GLRA3: variants seen among roughly 807,000 people sequenced by gnomAD.
The protein encoded by GLRA3 is glycine receptor subunit alpha-3.
In GLRA3, 44 loss-of-function variants were observed where a neutral mutation model predicts 60.4. The ratio of observed to expected loss-of-function variants is 0.73; its 90% CI spans 0.57 to 0.94. The LOEUF (loss-of-function observed/expected upper bound fraction) is 0.94. Among genes scored for constraint, GLRA3 ranks in the 40% least tolerant of loss-of-function variants. The probability of loss-of-function intolerance (pLI) is 0.00; values close to 1 mark genes in which losing one functional copy is unlikely to be tolerated. For synonymous variants in GLRA3, 223 were observed against 192.9 expected, an observed-to-expected ratio of 1.16 and a Z score of -1.29; for missense variants, 508 against 564.6, an observed-to-expected ratio of 0.90 and a Z score of 1.02.
At chr4:174,778,157 C>T (rs374727841) in intron 2 of GLRA3, among the ~76,000 whole-genome samples, 6 of 152,086 alleles carry the variant, frequency 3.9e-5, no homozygotes, top group African/African-American at 7.2e-5. Flanking sequence ...TCCCAGTGAG[C>T]GCCAAGGCCT....
intron 5 of GLRA3, among the ~76,000 whole-genome samples, chr4:174,693,691 G>A (rs1734946185): frequency 6.6e-6 from 1 of 152,150 alleles, no homozygotes; most frequent in African/African-American, 2.4e-5. Flanking sequence ...TGTGAAGAAT[G>A]TCATTGTTAA....
At position 174,714,366 on chromosome 4, in the gene GLRA3, T is replaced by C. The variant is rs566066900; in HGVS notation, c.574+1122A>G. 5.3e-5 allele frequency among the ~76,000 whole-genome samples: 8 copies of C among 152,130 alleles called. No individual in the cohort carries two copies. In the East Asian group the frequency reaches 5.8e-4, roughly 11 times the overall value. On this transcript the variant is annotated intron_variant, in intron 5 of 9. Transcript: ENST00000274093. ...GGTCTGCTGCTTCTCCCCATGTAGATTGATTGCTAAGTAGCCCCCCAAATT... is the reference window on the plus strand; with the variant it reads ...GGTCTGCTGCTTCTCCCCATGTAGACTGATTGCTAAGTAGCCCCCCAAATT...
In GLRA3 at chr4:174,643,964, G is replaced by C. The variant is rs772442290; in HGVS notation, c.1217C>G (p.Pro406Arg). The C allele has an allele frequency of 3.7e-6, 6 of 1,613,858 alleles. No individual in the cohort carries two copies. Among genetic ancestry groups the C allele is most frequent in the African/African-American group, 2.7e-5 (2 of 75,032 alleles). The change falls in exon 10 of 10, where the codon CCT (proline) becomes CGT (arginine). Residue 406 changes from proline to arginine, a missense_variant. Physicochemically the swap from Pro to Arg is moderately radical, Grantham distance 103. Coordinates refer to ENST00000274093, the MANE Select transcript of GLRA3 (RefSeq NM_006529.4). Reference protein sequence around the residue: ...DGMTPKGPNHPVQVMPKSPDE... With the variant: ...DGMTPKGPNHRVQVMPKSPDE... ...AGGACTTTTTGGCATTACCTGGACA[G>C]GGTGGTTGGGGCCCTTTGGAGTCAT...
intron 1 of GLRA3, among the ~76,000 whole-genome samples, chr4:174,820,391 T>C (rs1740696219): frequency 6.6e-6 from 1 of 152,170 alleles, no homozygotes; most frequent in Non-Finnish European, 1.5e-5. Context: ...TAGTGCTTCA[T>C]GACAGAAATT....
chr4:174,806,395 A>G (rs1315519376), intron 1 of GLRA3, among the ~76,000 whole-genome samples: 1 of 152,158 alleles, frequency 6.6e-6, no homozygotes, highest in African/African-American at 2.4e-5. Flanking sequence ...CAGATTGTTA[A>G]GATAAGACAA....
chr4:174,678,516 AGT>A (rs1203876398), intron 6 of GLRA3, among the ~76,000 whole-genome samples: 1 of 152,218 alleles, frequency 6.6e-6, no homozygotes, highest in East Asian at 1.9e-4. Context: ...GGTAGGGCTC[AGT>A]GCAAAGCTTC....
At chr4:174,681,173 G>A (rs1401332870) in intron 6 of GLRA3, among the ~76,000 whole-genome samples, 2 of 152,178 alleles carry the variant, frequency 1.3e-5, no homozygotes, top group African/African-American at 4.8e-5. Context: ...ATTCATAAAT[G>A]TAAGTTCTTT....
At chr4:174,719,054 CTG>C (rs1209463839) in intron 4 of GLRA3, among the ~76,000 whole-genome samples, 3 of 151,386 alleles carry the variant, frequency 2.0e-5, no homozygotes, top group Non-Finnish European at 4.4e-5. Context: ...GCTCCGCCCC[CTG>C]GGGTTCACCC....
intron 4 of GLRA3, among the ~76,000 whole-genome samples, chr4:174,720,381 T>C (rs1288447494): frequency 2.0e-5 from 3 of 152,222 alleles, no homozygotes; most frequent in African/African-American, 4.8e-5. Context: ...GCCTATTGTA[T>C]GTCTGGCACT....
intron 3 of GLRA3, among the ~76,000 whole-genome samples, chr4:174,751,193 C>G (rs1737472212): frequency 1.3e-5 from 2 of 151,956 alleles, no homozygotes; most frequent in Middle Eastern, 6.8e-3. Context: ...GAAGCTTTTT[C>G]TGGTTAAAGC....
At chr4:174,674,226 G>A (rs1734018206) in intron 7 of GLRA3, among the ~76,000 whole-genome samples, 1 of 152,100 alleles carries the variant, frequency 6.6e-6, no homozygotes, top group Non-Finnish European at 1.5e-5. Flanking sequence ...GGCCTATGAA[G>A]TCTTCCTTGA....
chr4:174,664,601 T>C (rs1249463809), intron 7 of GLRA3, among the ~76,000 whole-genome samples: 1 of 152,180 alleles, frequency 6.6e-6, no homozygotes, highest in Admixed American at 6.6e-5. Flanking sequence ...TGTTCTTCCT[T>C]ATACTGTCAT....
At chr4:174,713,922 G>T (rs916280599) in intron 5 of GLRA3, 1 of 152,066 alleles carries the variant, frequency 6.6e-6, no homozygotes, top group Non-Finnish European at 1.5e-5. Flanking sequence ...TTTATCAATT[G>T]TCCCATCAAC....
At chr4:174,749,305 T>C (rs571949078) in intron 3 of GLRA3, among the ~76,000 whole-genome samples, 1 of 152,202 alleles carries the variant, frequency 6.6e-6, no homozygotes, top group Admixed American at 6.5e-5. Context: ...TTCCCAGAAA[T>C]AAATTCCTTT....
intron 2 of GLRA3, among the ~76,000 whole-genome samples, chr4:174,779,716 A>G (rs1291726350): frequency 6.6e-6 from 1 of 152,204 alleles, no homozygotes; most frequent in Admixed American, 6.5e-5. Context: ...GGTATCAGAG[A>G]TGGAAGATGA....
chr4:174,706,902 T>C (rs867825368), intron 5 of GLRA3, among the ~76,000 whole-genome samples: 17 of 152,158 alleles, frequency 1.1e-4, no homozygotes, highest in African/African-American at 4.1e-4. Flanking sequence ...TAAGATTATA[T>C]CTGTGAACAG....
chr4:174,758,934 G>A (rs1370808025), intron 3 of GLRA3, among the ~76,000 whole-genome samples: 1 of 152,060 alleles, frequency 6.6e-6, no homozygotes, highest in Non-Finnish European at 1.5e-5. Flanking sequence ...CTATGTTCAT[G>A]GATTAGAGCA....
rs144675696 is a variant in GLRA3, at chr4:174,657,483, T to C, written c.1072-696A>G. On this transcript the variant is annotated intron_variant, in intron 8 of 9. Transcript: ENST00000274093. ...AAGCAAATCATAATGATAGGGAACATGCGTATTGCTTTACTTCTAATTAAT... is the reference window on the plus strand; with the variant it reads ...AAGCAAATCATAATGATAGGGAACACGCGTATTGCTTTACTTCTAATTAAT... Among the ~76,000 whole-genome samples the C allele has an allele frequency of 1.5e-4, 23 of 152,220 alleles. No homozygotes were observed. The East Asian group carries it at 4.2e-3, about 28-fold the overall frequency.
intron 1 of GLRA3, among the ~76,000 whole-genome samples, chr4:174,811,610 A>G (rs1259278300): frequency 3.3e-5 from 5 of 152,180 alleles, no homozygotes; most frequent in Non-Finnish European, 7.4e-5. Flanking sequence ...GTTGATATGT[A>G]ATACTTACAA....
Sources: allele counts gnomAD v4.1 joint callset (sites outside exome capture counted in the v4.1 genomes callset), GRCh38; gene constraint gnomAD v4.1.1; transcripts MANE v1.5; gene names NCBI Gene and HGNC (gene_info 2026-07-23, HGNC 2026-07-21).